Variants in PRKDC observed in about 807,000 individuals in gnomAD.
The protein encoded by PRKDC is protein kinase, DNA-activated, catalytic subunit.
In PRKDC, 82 loss-of-function variants were observed where a neutral mutation model predicts 486.9. That is an observed-to-expected ratio of 0.17 (90% CI 0.14 to 0.20). The LOEUF is 0.20. Ranked by LOEUF, PRKDC falls within the 10% of genes least tolerant of loss-of-function variation. The pLI is 1.00. For synonymous variants in PRKDC, 1,895 were observed against 1,837.0 expected (o/e 1.03, Z -0.81); for missense variants, 4,504 against 5,038.2 (o/e 0.89, Z 3.21).
chr8:47,785,384 T>C, intron 76 of PRKDC, 67 bp from the exon 77 acceptor site: 1 of 1,229,826 alleles, frequency 8.1e-7, no homozygotes, highest in Non-Finnish European at 1.2e-6. Context: ...GGCTCTAAGC[T>C]TATAAGTGTA....
intron 69 of PRKDC, among the ~76,000 whole-genome samples, chr8:47,806,269 C>T (rs1370124186): frequency 6.6e-6 from 1 of 152,176 alleles, no homozygotes; most frequent in East Asian, 1.9e-4. Context: ...CCTCATCATG[C>T]CAGACAGTTT....
chr8:47,876,247 T>C (rs1482088428), intron 40 of PRKDC, among the ~76,000 whole-genome samples: 2 of 152,292 alleles, frequency 1.3e-5, no homozygotes, highest in South Asian at 4.1e-4. Flanking sequence ...ATCTGTAAAA[T>C]ACAACTCAAG....
In PRKDC at chr8:47,957,777, G is replaced by A. The variant is rs2090731685; in HGVS notation, c.155-346C>T. Among the ~76,000 whole-genome samples the A allele has an allele frequency of 2.0e-5, 3 of 152,298 alleles. No individual in the cohort carries two copies. The South Asian group carries it at 6.2e-4, about 32-fold the overall frequency. On this transcript the variant is annotated intron_variant, in intron 1 of 85. Coordinates refer to ENST00000314191, the MANE Select transcript of PRKDC (RefSeq NM_006904.7). ...GATCAGCCCGCCTCGGCCTCCCAAA[G>A]TGCTGGGATTACAGGCGTGAGCCAC... is the stretch of plus-strand genomic sequence containing the variant.
chr8:47,960,113 C>A lies in PRKDC; in HGVS notation c.14G>T (p.Gly5Val). 2 of 1,503,440 alleles carry A rather than the reference C, an allele frequency of 1.3e-6. No homozygotes were observed. The highest frequency in any genetic ancestry group is 8.8e-7 in the Non-Finnish European group (1 of 1,130,302). The allele number at this position is 1,503,440 out of a possible 1,614,324, so 93.1% of individuals were successfully genotyped here. A position where few individuals can be genotyped will look rare whatever the true frequency, so the allele number is the denominator to read the frequency against. ...CAGCAGGGAGCAACGCACACCGGCT[C>A]CGGAGCCCGCCATGCCGCCGAGTCC... Reference protein sequence around the residue: MAGSGAGVRCSLLRL... With the variant: MAGSVAGVRCSLLRL... Residue 5 changes from glycine to valine, a missense_variant, in exon 1 of 86, where the codon GGA (glycine) becomes GTA (valine). Physicochemically the swap from Gly to Val is moderately radical, Grantham distance 109 (BLOSUM62 -3). Around this residue, in one of 6 missense-constraint regions of PRKDC, gnomAD observed 145 missense variants for 136.3 expected, o/e 1.06. Transcript: ENST00000314191.
intron 23 of PRKDC, among the ~76,000 whole-genome samples, chr8:47,915,098 T>C (rs956378996): frequency 3.9e-5 from 6 of 152,206 alleles, no homozygotes; most frequent in Non-Finnish European, 7.4e-5. Flanking sequence ...TCAAACTGGA[T>C]AACATGCTTA....
intron 21 of PRKDC, among the ~76,000 whole-genome samples, chr8:47,919,672 A>T (rs2090042491): frequency 6.7e-6 from 1 of 149,556 alleles, no homozygotes; most frequent in South Asian, 2.1e-4. Flanking sequence ...GATGTTAAAG[A>T]GTTCTACTCT....
At chr8:47,942,172 C>A (rs1233510236) in intron 10 of PRKDC, among the ~76,000 whole-genome samples, 4 of 152,234 alleles carry the variant, frequency 2.6e-5, no homozygotes, top group African/African-American at 9.6e-5. Context: ...TTACTGAGAT[C>A]CAAACATATT....
chr8:47,788,577 C>A (rs1589696051), intron 76 of PRKDC, among the ~76,000 whole-genome samples: 1 of 152,190 alleles, frequency 6.6e-6, no homozygotes, highest in African/African-American at 2.4e-5. Context: ...ATTTAACACA[C>A]AAATATTTTC....
chr8:47,853,262 G>A (rs1211999347), intron 51 of PRKDC, among the ~76,000 whole-genome samples: 1 of 152,198 alleles, frequency 6.6e-6, no homozygotes, highest in East Asian at 1.9e-4. Context: ...AGAAGCCAAA[G>A]CCCCAGCCAG....
At chr8:47,860,127 C>T (rs776056915) in intron 45 of PRKDC, among the ~76,000 whole-genome samples, 1 of 152,004 alleles carries the variant, frequency 6.6e-6, no homozygotes, top group African/African-American at 2.4e-5. Flanking sequence ...TCCAAAACAC[C>T]TAAGAGATTT....
intron 31 of PRKDC, among the ~76,000 whole-genome samples, chr8:47,891,461 C>T (rs563960518): frequency 1.8e-4 from 27 of 152,296 alleles, no homozygotes; most frequent in African/African-American, 5.5e-4. Flanking sequence ...TGGCTCACAC[C>T]TGTAATCCCA....
intron 19 of PRKDC, among the ~76,000 whole-genome samples, chr8:47,928,384 C>G (rs772512633): frequency 6.6e-6 from 1 of 152,026 alleles, no homozygotes; most frequent in Non-Finnish European, 1.5e-5. Context: ...AACTCCTGCC[C>G]TCAAGTGATC....
chr8:47,890,129 TATAATA>T (rs36103307), intron 32 of PRKDC, 122 bp downstream of exon 32: 180 of 361,644 alleles, frequency 5.0e-4, no homozygotes, highest in Non-Finnish European at 5.7e-4. Flanking sequence ...GAGGATGAAA[TATAATA>T]ATAATAATAA....
In PRKDC at chr8:47,888,534, T is replaced by C. The variant is rs1046243436; in HGVS notation, c.4397A>G (p.Asn1466Ser). Residue 1466 changes from asparagine to serine, a missense_variant, in exon 34 of 86, where the codon AAT becomes AGT. Transcript: ENST00000314191. The part of the protein sequence containing the change: ...KQLHRAGLLH[N>S]ILPSQSTDLH... ...TATAGTTACCTGAGACGGTAATATA[T>C]TATGCAGAAGCCCAGCTCTGTGAAG... The C allele has an allele frequency of 2.6e-5, 41 of 1,567,652 alleles. No homozygotes were observed. The highest frequency in any genetic ancestry group is 3.2e-5 in the Non-Finnish European group (37 of 1,155,616).
chr8:47,861,406 C>A (rs116967170), intron 44 of PRKDC, among the ~76,000 whole-genome samples: 1 of 152,146 alleles, frequency 6.6e-6, no homozygotes, highest in African/African-American at 2.4e-5. Flanking sequence ...TTTTTTAGTT[C>A]TTTGAACATA....
intron 63 of PRKDC, among the ~76,000 whole-genome samples, chr8:47,825,504 CAAAAAA>C (rs397891351): frequency 5.9e-4 from 6 of 10,250 alleles, no homozygotes; most frequent in Admixed American, 2.1e-3. Flanking sequence ...AAGACTGTCT[CAAAAAA>C]AAAAAAAAAA....
Position 47,774,006 on chromosome 8 carries a change from AC to A in PRKDC, c.*166del, listed in dbSNP as rs2086562397. The stretch of plus-strand genomic sequence containing the variant: ...ACCTTATCTTTGATTTAACCCATAC[AC>A]ATTTACTCATCATAATCTTGATTTA... On this transcript the variant is annotated 3_prime_UTR_variant, in exon 86 of 86. Transcript: ENST00000314191. 1 of 647,896 alleles carries A rather than the reference AC, an allele frequency of 1.5e-6. No individual in the cohort carries two copies. Among genetic ancestry groups the A allele is most frequent in the Admixed American group, 3.0e-5 (1 of 33,304 alleles). The allele number at this position is 647,896 out of a possible 1,614,324, so 40.1% of individuals were successfully genotyped here. A position where few individuals can be genotyped will look rare whatever the true frequency, so the allele number is the denominator to read the frequency against.
chr8:47,945,784 C>G (rs545035601), intron 7 of PRKDC, among the ~76,000 whole-genome samples: 1 of 152,098 alleles, frequency 6.6e-6, no homozygotes, highest in African/African-American at 2.4e-5. Flanking sequence ...TGCAGTGGCA[C>G]GATCTCAGCT....
chr8:47,909,133 T>A (rs1370939961), intron 25 of PRKDC, among the ~76,000 whole-genome samples: 1 of 152,216 alleles, frequency 6.6e-6, no homozygotes, highest in African/African-American at 2.4e-5. Context: ...ATAACACTCT[T>A]AGGATTGGTT....
Sources: gnomAD v4.1 joint callset for allele counts (sites outside exome capture counted in the v4.1 genomes callset) on GRCh38, gnomAD v4.1.1 for gene constraint, gnomAD v4.1.1 regional missense constraint, MANE v1.5 for transcripts, NCBI Gene and HGNC (gene_info 2026-07-23, HGNC 2026-07-21) for gene names.